Variants in GALNT13 observed in about 807,000 individuals in gnomAD.
GALNT13 encodes UDP-GalNAc:polypeptide N-acetylgalactosaminyltransferase 13.
Under a neutral mutation model 64.2 loss-of-function variants are expected in GALNT13, and 28 were observed. The ratio of observed to expected loss-of-function variants is 0.44; its 90% confidence interval spans 0.32 to 0.60. GALNT13 has a LOEUF of 0.60. Among genes scored for constraint, GALNT13 ranks in the 20% least tolerant of loss-of-function variants. The probability of loss-of-function intolerance (pLI) is 0.05; values close to 1 mark genes in which losing one functional copy is unlikely to be tolerated. For synonymous variants in GALNT13, 214 were observed against 224.6 expected, an observed-to-expected ratio of 0.95 and a Z score of 0.42; for missense variants, 577 against 669.8, an observed-to-expected ratio of 0.86 and a Z score of 1.53.
the GALNT13 span, among the ~76,000 whole-genome samples, chr2:153,736,993 C>A: frequency 6.6e-6 from 1 of 152,194 alleles, no homozygotes; most frequent in South Asian, 2.1e-4. Flanking sequence ...TCTGGGAGGG[C>A]AGTCCTCTGC....
intron 8 of GALNT13, among the ~76,000 whole-genome samples, chr2:154,274,883 T>C (rs1258246289): frequency 1.3e-5 from 2 of 152,206 alleles, no homozygotes; most frequent in East Asian, 3.9e-4. Flanking sequence ...TGGAAGTTCC[T>C]AGAGACTTGT....
the GALNT13 span, among the ~76,000 whole-genome samples, chr2:153,766,299 C>G: frequency 6.6e-6 from 1 of 151,932 alleles, no homozygotes; most frequent in Non-Finnish European, 1.5e-5. Context: ...TTTTCTATGT[C>G]TTTGATGTTT....
At chr2:153,884,805 ATGTGTGTGTGTGTGTATATATATG>A (rs1367609558) in intron 1 of GALNT13, among the ~76,000 whole-genome samples, 1 of 133,636 alleles carries the variant, frequency 7.5e-6, no homozygotes, top group Non-Finnish European at 1.5e-5. Flanking sequence ...ATATATATAT[ATGTGTGTGTGTGTGTATATATATG>A]TGTGTGTGTG....
chr2:153,736,701 C>G, the GALNT13 span, among the ~76,000 whole-genome samples: 1 of 152,184 alleles, frequency 6.6e-6, no homozygotes, highest in East Asian at 1.9e-4. Context: ...ACTGACACAT[C>G]CAAGTTGAAC....
At chr2:154,287,266 G>A (rs1692322742) in intron 8 of GALNT13, 2 of 808,652 alleles carry the variant, frequency 2.5e-6, no homozygotes, top group Non-Finnish European at 4.3e-6. Flanking sequence ...GCAACTCCAA[G>A]ACAGCAGAGC....
At chr2:153,098,390 A>G in the GALNT13 span, among the ~76,000 whole-genome samples, 1 of 152,204 alleles carries the variant, frequency 6.6e-6, no homozygotes, top group East Asian at 1.9e-4. Flanking sequence ...CATGTTTGCT[A>G]TCACAACCTC....
chr2:153,364,562 A>G, the GALNT13 span, among the ~76,000 whole-genome samples: 3 of 152,208 alleles, frequency 2.0e-5, no homozygotes, highest in Admixed American at 2.0e-4. Flanking sequence ...TCAATGTGCA[A>G]AAATCACAGG....
the GALNT13 span, among the ~76,000 whole-genome samples, chr2:153,210,627 G>A: frequency 6.7e-6 from 1 of 149,354 alleles, no homozygotes; most frequent in African/African-American, 2.4e-5. Context: ...TGTGCATAAA[G>A]TTCTTGTCTG....
chr2:153,554,831 G>C, the GALNT13 span, among the ~76,000 whole-genome samples: 1 of 152,010 alleles, frequency 6.6e-6, no homozygotes, highest in Non-Finnish European at 1.5e-5. Flanking sequence ...ACTCACATAC[G>C]CCCTTTGCTT....
the GALNT13 span, among the ~76,000 whole-genome samples, chr2:153,242,574 A>G: frequency 6.6e-6 from 1 of 152,178 alleles, no homozygotes; most frequent in Non-Finnish European, 1.5e-5. Flanking sequence ...GTAATAAGAG[A>G]TTTTAGAAGA....
At chr2:153,810,242 C>T in the GALNT13 span, among the ~76,000 whole-genome samples, 11 of 152,230 alleles carry the variant, frequency 7.2e-5, no homozygotes, top group Admixed American at 3.9e-4. Flanking sequence ...GGATTACAGC[C>T]GTGGGCCATG....
At chr2:154,191,068 C>T (rs1686551287) in intron 4 of GALNT13, among the ~76,000 whole-genome samples, 2 of 152,178 alleles carry the variant, frequency 1.3e-5, no homozygotes, top group African/African-American at 4.8e-5. Context: ...AAAATATTCT[C>T]TCTGAACTCA....
the GALNT13 span, among the ~76,000 whole-genome samples, chr2:153,121,082 A>G: frequency 6.6e-6 from 1 of 152,290 alleles, no homozygotes; most frequent in East Asian, 1.9e-4. Flanking sequence ...ATACTGGGGT[A>G]GAAGAGAAAA....
the GALNT13 span, among the ~76,000 whole-genome samples, chr2:153,074,982 C>T: frequency 6.6e-6 from 1 of 152,148 alleles, no homozygotes; most frequent in Admixed American, 6.5e-5. Flanking sequence ...ATCTTTCCAC[C>T]TTGGCCTCCC....
chr2:154,051,536 C>T (rs556378164), intron 3 of GALNT13, among the ~76,000 whole-genome samples: 5 of 151,082 alleles, frequency 3.3e-5, no homozygotes, highest in Non-Finnish European at 7.4e-5. Flanking sequence ...ATGATCCACC[C>T]GCCTCGGCCT....
At chr2:153,306,202 C>T in the GALNT13 span, among the ~76,000 whole-genome samples, 5 of 152,138 alleles carry the variant, frequency 3.3e-5, no homozygotes, top group African/African-American at 1.2e-4. Context: ...ACTGCTGGGT[C>T]GTTTCCTGCT....
chr2:153,251,354 T>A, the GALNT13 span, among the ~76,000 whole-genome samples: 1 of 152,256 alleles, frequency 6.6e-6, no homozygotes, highest in South Asian at 2.1e-4. Context: ...TATCTGTGAT[T>A]GCCCTAAGGC....
chr2:153,514,286 G>A, the GALNT13 span, among the ~76,000 whole-genome samples: 3 of 151,878 alleles, frequency 2.0e-5, no homozygotes, highest in Non-Finnish European at 2.9e-5. Context: ...ATTTATTTCG[G>A]TGACTATATT....
chr2:153,364,758 A>T, the GALNT13 span, among the ~76,000 whole-genome samples: 1 of 152,212 alleles, frequency 6.6e-6, no homozygotes, highest in Non-Finnish European at 1.5e-5. Flanking sequence ...ATGGAAAAAC[A>T]TTCCATGCTC....
Sources: gnomAD v4.1 joint callset for allele counts (sites outside exome capture counted in the v4.1 genomes callset) on GRCh38, gnomAD v4.1.1 for gene constraint, MANE v1.5 for transcripts, NCBI Gene and HGNC (gene_info 2026-07-23, HGNC 2026-07-21) for gene names.